The following ZNF827 variants were observed in gnomAD, a reference collection of about 807,000 sequenced individuals.
The protein encoded by ZNF827 is zinc finger protein 827.
ZNF827 carries 13 observed loss-of-function variants against 102.4 expected under a neutral mutation model. That is an observed-to-expected ratio of 0.13 (90% CI 0.08 to 0.20). The LOEUF (loss-of-function observed/expected upper bound fraction) is 0.20. Ranked by LOEUF, ZNF827 falls within the 10% of genes least tolerant of loss-of-function variation. The pLI, the probability that ZNF827 is intolerant of heterozygous loss-of-function variation, is 1.00. For missense variants in ZNF827, 1,103 were observed against 1,344.4 expected, an observed-to-expected ratio of 0.82 and a Z score of 2.81; for synonymous variants, 523 against 536.2, an observed-to-expected ratio of 0.98 and a Z score of 0.34.
chr4:145,892,554 C>T (rs1354822896), intron 2 of ZNF827, 139 bp from the exon 3 acceptor site: 1 of 965,442 alleles, frequency 1.0e-6, no homozygotes, highest in African/African-American at 1.7e-5. Context: ...AGATTTTATC[C>T]ATAAGAAAGT....
At chr4:145,790,129 C>G (rs1739463917) in intron 8 of ZNF827, among the ~76,000 whole-genome samples, 1 of 152,148 alleles carries the variant, frequency 6.6e-6, no homozygotes, top group Non-Finnish European at 1.5e-5. Context: ...TGCAGAGTTA[C>G]CTAAAGACTG....
At chr4:145,802,419 T>C (rs1740999941) in intron 8 of ZNF827, among the ~76,000 whole-genome samples, 1 of 152,174 alleles carries the variant, frequency 6.6e-6, no homozygotes, top group Admixed American at 6.5e-5. Flanking sequence ...ATCATCTCAA[T>C]AAGGATGGGA....
intron 4 of ZNF827, among the ~76,000 whole-genome samples, chr4:145,872,248 G>A (rs963902326): frequency 1.3e-5 from 2 of 152,140 alleles, no homozygotes; most frequent in Non-Finnish European, 2.9e-5. Flanking sequence ...AGGTAATTAA[G>A]GTTAAATGAG....
chr4:145,761,638 G>A lies in ZNF827; in HGVS notation c.*18-40C>T, dbSNP rs1379128244. On this transcript the variant is annotated intron_variant, in intron 14 of 14. Coordinates refer to ENST00000508784, the MANE Select transcript of ZNF827 (RefSeq NM_001306215.2). This position sits in a 1 kb window ranked among gnomAD's most constrained non-coding sequence, Gnocchi z 6.8. ...AACGCAAGGGAGGTTCAGCCGGGAA[G>A]GTTCGGAGGCAGCCGCGCTTCTCGC... is the stretch of plus-strand genomic sequence containing the variant. The A allele has an allele frequency of 8.5e-7, 1 of 1,180,368 alleles. No homozygotes were observed. Among genetic ancestry groups the A allele is most frequent in the Admixed American group, 2.6e-5 (1 of 38,132 alleles). The allele number at this position is 1,180,368 out of a possible 1,614,324, so 73.1% of individuals were successfully genotyped here. A position where few individuals can be genotyped will look rare whatever the true frequency, so the allele number is the denominator to read the frequency against.
At chr4:145,867,659 C>T (rs1339972062) in intron 5 of ZNF827, among the ~76,000 whole-genome samples, 1 of 152,184 alleles carries the variant, frequency 6.6e-6, no homozygotes, top group Non-Finnish European at 1.5e-5. Context: ...TATGCCTCAT[C>T]CTTGCATAAC....
intron 11 of ZNF827, among the ~76,000 whole-genome samples, chr4:145,768,895 A>ATTT (rs1273771887): frequency 1.2e-4 from 2 of 16,582 alleles, no homozygotes. Flanking sequence ...AAAAAAATAT[A>ATTT]TATATATATA....
rs763547175 is a variant in ZNF827 at position 145,775,806 on chromosome 4, T to C, written c.2676A>G (p.Lys892=). 1.9e-6 allele frequency: 3 copies of C among 1,614,058 alleles called. No individual in the cohort carries two copies. In the East Asian group the frequency reaches 6.7e-5, roughly 36 times the overall value. ...AVTSEGSDGK[K]HPYYYSCHVC... is the part of the protein sequence containing the mutation. ...CAACTCACCTGTAATAATAAGGATG[T>C]TTCTTCCCATCACTGCCTTCAGAGG... is the stretch of plus-strand genomic sequence containing the variant. Residue 892 remains lysine, a synonymous_variant, in exon 10 of 15, where the codon AAA becomes AAG. Coordinates refer to ENST00000508784, the MANE Select transcript of ZNF827 (RefSeq NM_001306215.2).
chr4:145,926,315 C>T (rs1359678959), intron 1 of ZNF827, among the ~76,000 whole-genome samples: 1 of 152,174 alleles, frequency 6.6e-6, no homozygotes, highest in African/African-American at 2.4e-5. Context: ...TTATCCACCC[C>T]CACTCTTAAG....
At chr4:145,873,094 C>A (rs1478941955) in intron 4 of ZNF827, among the ~76,000 whole-genome samples, 1 of 151,570 alleles carries the variant, frequency 6.6e-6, no homozygotes, top group African/African-American at 2.4e-5. Context: ...CGCCACCATG[C>A]CCAGCTAAGT....
intron 8 of ZNF827, among the ~76,000 whole-genome samples, chr4:145,794,626 G>A (rs1740183038): frequency 6.6e-6 from 1 of 151,972 alleles, no homozygotes; most frequent in African/African-American, 2.4e-5. Context: ...GATGGGATGG[G>A]ATGGGAATTG....
At chr4:145,806,147 CTTTTTTTTTTTTT>C (rs11364915) in intron 8 of ZNF827, among the ~76,000 whole-genome samples, 1 of 77,368 alleles carries the variant, frequency 1.3e-5, no homozygotes, top group African/African-American at 5.5e-5. Context: ...AATAAATGAA[CTTTTTTTTTTTTT>C]TTTTTTTTTG....
At chr4:145,851,824 A>G (rs1746565758) in intron 5 of ZNF827, among the ~76,000 whole-genome samples, 1 of 152,220 alleles carries the variant, frequency 6.6e-6, no homozygotes, top group Non-Finnish European at 1.5e-5. Context: ...AGAGAAGAAG[A>G]AGAAAGCTGT....
intron 6 of ZNF827, 36 bp from the exon 7 acceptor site, chr4:145,846,049 G>A: frequency 2.5e-6 from 4 of 1,607,106 alleles, no homozygotes; most frequent in Non-Finnish European, 3.4e-6. Flanking sequence ...CACCTCTTAG[G>A]TTGTTCTCAC....
chr4:145,903,951 C>A (rs1751629202), intron 1 of ZNF827, among the ~76,000 whole-genome samples: 2 of 152,196 alleles, frequency 1.3e-5, no homozygotes, highest in African/African-American at 2.4e-5. Flanking sequence ...TGAGGGTCCT[C>A]AACTCCAGTC....
At chr4:145,872,881 A>T (rs1748822709) in intron 4 of ZNF827, among the ~76,000 whole-genome samples, 1 of 151,786 alleles carries the variant, frequency 6.6e-6, no homozygotes, top group Middle Eastern at 3.2e-3. Context: ...TCTCAAAAAA[A>T]CAAAAACAAA....
At chr4:145,864,759 A>C (rs1332692974) in intron 5 of ZNF827, among the ~76,000 whole-genome samples, 2 of 152,188 alleles carry the variant, frequency 1.3e-5, no homozygotes, top group Non-Finnish European at 2.9e-5. Flanking sequence ...AGTGAACTCT[A>C]CATTTAGCCT....
At chr4:145,831,376 C>T (rs1255549415) in intron 7 of ZNF827, 1 of 152,196 alleles carries the variant, frequency 6.6e-6, no homozygotes, top group Admixed American at 6.5e-5. Context: ...GTGAATAAAA[C>T]TTGGATTATT....
At chr4:145,824,821 G>A (rs2126502796) in intron 7 of ZNF827, among the ~76,000 whole-genome samples, 1 of 152,296 alleles carries the variant, frequency 6.6e-6, no homozygotes, top group Non-Finnish European at 1.5e-5. Context: ...ATGCCACAAG[G>A]CTATGGTTGC....
At chr4:145,804,625 TA>T in intron 8 of ZNF827, among the ~76,000 whole-genome samples, 1 of 152,234 alleles carries the variant, frequency 6.6e-6, no homozygotes, top group Admixed American at 6.5e-5. Flanking sequence ...TGGGAACTGG[TA>T]CATTTAGTTG....
Sources: allele counts gnomAD v4.1 joint callset (sites outside exome capture counted in the v4.1 genomes callset), GRCh38; gene constraint gnomAD v4.1.1; non-coding constraint Gnocchi (gnomAD v3.1); transcripts MANE v1.5; gene names NCBI Gene and HGNC (gene_info 2026-07-23, HGNC 2026-07-21).